The following EEFSEC variants were observed in gnomAD, a reference collection of about 807,000 sequenced individuals.
EEFSEC encodes eukaryotic elongation factor, selenocysteine-tRNA specific.
In EEFSEC, 43 loss-of-function variants were observed where a neutral mutation model predicts 42.1. The ratio of observed to expected loss-of-function variants is 1.02; its 90% CI spans 0.80 to 1.32. The LOEUF is 1.32. Ranked by LOEUF, EEFSEC falls within the 40% of genes most tolerant of loss-of-function variation. The pLI is 0.00. For missense variants in EEFSEC, 745 were observed against 803.6 expected (o/e 0.93, Z 0.88); for synonymous variants, 354 against 339.1 (o/e 1.04, Z -0.48).
intron 1 of EEFSEC, among the ~76,000 whole-genome samples, chr3:128,158,063 TGGATGACTGA>T (rs1944410444): frequency 6.6e-6 from 1 of 152,172 alleles, no homozygotes; most frequent in African/African-American, 2.4e-5. Context: ...CCAACCCTCA[TGGATGACTGA>T]GGGGTTCAAG....
In EEFSEC at chr3:128,247,061, A is replaced by C; in HGVS notation, c.524+18A>C. The C allele has an allele frequency of 6.2e-7, 1 of 1,612,808 alleles. No homozygotes were observed. The highest frequency in any genetic ancestry group is 1.1e-5 in the South Asian group (1 of 91,046). On this transcript the variant is annotated intron_variant, in intron 2 of 6. Transcript: ENST00000254730. ...AACACCAAGTAGGTCTGCTAATGAG[A>C]GCAATGTTCACTGCATAAGAAGGCT...
chr3:128,313,527 C>G (rs934712078), intron 4 of EEFSEC, among the ~76,000 whole-genome samples: 2 of 152,210 alleles, frequency 1.3e-5, no homozygotes, highest in Non-Finnish European at 2.9e-5. Context: ...GTAGGCCTCC[C>G]ACTCCCAGAG....
chr3:128,215,061 C>T (rs1351954027), intron 1 of EEFSEC, among the ~76,000 whole-genome samples: 1 of 152,158 alleles, frequency 6.6e-6, no homozygotes, highest in Non-Finnish European at 1.5e-5. Flanking sequence ...GATTATACAC[C>T]AATATCCAGC....
intron 1 of EEFSEC, among the ~76,000 whole-genome samples, chr3:128,230,629 G>T (rs189616083): frequency 7.2e-5 from 11 of 152,314 alleles, no homozygotes; most frequent in Non-Finnish European, 1.6e-4. Flanking sequence ...AGGTTGGTTA[G>T]CAAGTATCCA....
chr3:128,349,027 G>A (rs571119097), intron 5 of EEFSEC, among the ~76,000 whole-genome samples: 1 of 152,336 alleles, frequency 6.6e-6, no homozygotes, highest in Admixed American at 6.5e-5. Context: ...AGTGTATCTT[G>A]TAAGACTGGA....
intron 4 of EEFSEC, among the ~76,000 whole-genome samples, chr3:128,280,290 T>G (rs1333118730): frequency 5.3e-5 from 8 of 150,520 alleles, no homozygotes; most frequent in African/African-American, 1.9e-4. Context: ...TCAGTCTATT[T>G]AATTGGTGTT....
intron 4 of EEFSEC, among the ~76,000 whole-genome samples, chr3:128,275,593 A>G (rs2811528): frequency 0.86 from 130,785 of 152,244 alleles, 56,389 homozygotes; most frequent in East Asian, 0.99. Context: ...GAAGGCACTG[A>G]GTGAACATGG....
chr3:128,236,138 G>A (rs959512615), intron 1 of EEFSEC, among the ~76,000 whole-genome samples: 2 of 152,154 alleles, frequency 1.3e-5, no homozygotes, highest in African/African-American at 4.8e-5. Flanking sequence ...ACCCCATCCG[G>A]CTAATTTTGT....
chr3:128,347,389 AGACTACTAGAGC>A (rs2067325249), intron 5 of EEFSEC, among the ~76,000 whole-genome samples: 1 of 152,226 alleles, frequency 6.6e-6, no homozygotes, highest in African/African-American at 2.4e-5. Context: ...GGTTTAGGAA[AGACTACTAGAGC>A]ATATGGTGAT....
intron 4 of EEFSEC, among the ~76,000 whole-genome samples, chr3:128,326,599 C>T (rs925586573): frequency 2.0e-5 from 3 of 152,198 alleles, no homozygotes; most frequent in African/African-American, 4.8e-5. Context: ...AGAAGTGCTT[C>T]TCTTCCTCCC....
intron 4 of EEFSEC, among the ~76,000 whole-genome samples, chr3:128,300,546 A>G (rs1367507847): frequency 1.3e-5 from 2 of 151,016 alleles, no homozygotes; most frequent in African/African-American, 4.9e-5. Flanking sequence ...TGTCTGAAAA[A>G]AAAAAAAAAA....
rs1203257074 is a variant in EEFSEC, at chr3:128,301,029, A to G, written c.786+36248A>G. On this transcript the variant is annotated intron_variant, in intron 4 of 6. Transcript: ENST00000254730. ...ATTATAGTTAAATAGGGATAAATGT[A>G]AAATTCTTTATCCTCAAACAAGCTC... 2.6e-5 allele frequency among the ~76,000 whole-genome samples: 4 copies of G among 151,894 alleles called. No homozygotes were observed. The East Asian group carries it at 7.7e-4, about 29-fold the overall frequency.
At chr3:128,353,355 G>A (rs2067411783) in intron 5 of EEFSEC, among the ~76,000 whole-genome samples, 1 of 152,212 alleles carries the variant, frequency 6.6e-6, no homozygotes, top group Non-Finnish European at 1.5e-5. Flanking sequence ...TTCTCAGTGT[G>A]GCAGGGGCTG....
chr3:128,348,762 G>A (rs2067347015), intron 5 of EEFSEC, among the ~76,000 whole-genome samples: 1 of 152,208 alleles, frequency 6.6e-6, no homozygotes, highest in African/African-American at 2.4e-5. Flanking sequence ...TGAAGGATGT[G>A]TAAAAGCCGA....
At chr3:128,282,400 C>G (rs1297950983) in intron 4 of EEFSEC, among the ~76,000 whole-genome samples, 3 of 152,236 alleles carry the variant, frequency 2.0e-5, no homozygotes, top group African/African-American at 7.2e-5. Flanking sequence ...CTTGCCAGTT[C>G]ATTCGGACCT....
At chr3:128,300,621 T>C (rs1397401646) in intron 4 of EEFSEC, among the ~76,000 whole-genome samples, 2 of 152,114 alleles carry the variant, frequency 1.3e-5, no homozygotes, top group Non-Finnish European at 1.5e-5. Flanking sequence ...GTTAGTTTTC[T>C]ATTTTTATTT....
At chr3:128,205,612 G>C (rs2065689427) in intron 1 of EEFSEC, among the ~76,000 whole-genome samples, 1 of 152,202 alleles carries the variant, frequency 6.6e-6, no homozygotes. Context: ...CATTTTATTA[G>C]ACCATTAAGT....
chr3:128,250,697 C>G (rs1310804349), intron 2 of EEFSEC, among the ~76,000 whole-genome samples: 1 of 152,026 alleles, frequency 6.6e-6, no homozygotes, highest in East Asian at 1.9e-4. Flanking sequence ...TGTTCTTTTT[C>G]AAGATTGTTT....
downstream of EEFSEC, among the ~76,000 whole-genome samples, chr3:128,410,489 G>A (rs1255959583): frequency 2.0e-5 from 3 of 152,288 alleles, no homozygotes; most frequent in East Asian, 5.8e-4. Flanking sequence ...CTGGCTCTGG[G>A]GCCAGATCAG....
Sources: allele counts gnomAD v4.1 joint callset (sites outside exome capture counted in the v4.1 genomes callset), GRCh38; gene constraint gnomAD v4.1.1; transcripts MANE v1.5; gene names NCBI Gene and HGNC (gene_info 2026-07-23, HGNC 2026-07-21).